Variants in SORBS2 observed in about 807,000 individuals in gnomAD.
SORBS2 encodes the protein sorbin and SH3 domain-containing protein 2.
SORBS2 carries 46 observed loss-of-function variants against 97.7 expected under a neutral mutation model. The ratio of observed to expected loss-of-function variants is 0.47; its 90% CI spans 0.37 to 0.60. The LOEUF is 0.60. SORBS2 is among the 20% of genes least tolerant of loss of function. The pLI, the probability that SORBS2 is intolerant of heterozygous loss-of-function variation, is 0.00. For missense variants in SORBS2, 1,316 were observed against 1,282.3 expected (o/e 1.03, Z -0.40); for synonymous variants, 476 against 473.4 (o/e 1.01, Z -0.07).
chr4:185,646,916 T>C, intron 3 of SORBS2, 134 bp from the exon 13 acceptor site: 1 of 613,174 alleles, frequency 1.6e-6, no homozygotes, highest in Non-Finnish European at 2.9e-6. Flanking sequence ...AAAGTTAACC[T>C]GTGAAAAATA....
chr4:185,621,506 T>C (rs2096719349), intron 7 of SORBS2, among the ~76,000 whole-genome samples: 1 of 152,228 alleles, frequency 6.6e-6, no homozygotes, highest in African/African-American at 2.4e-5. Context: ...GTAGCTAATT[T>C]ATTAAAAAAT....
At chr4:185,630,687 G>T in intron 4 of SORBS2, 89 bp from the exon 17 acceptor site, 1 of 704,052 alleles carries the variant, frequency 1.4e-6, no homozygotes, top group Non-Finnish European at 2.5e-6. Context: ...ATCCTAAAAA[G>T]AATATTATAA....
At chr4:185,699,617 C>G (rs186580206) in intron 2 of SORBS2, among the ~76,000 whole-genome samples, 1 of 152,074 alleles carries the variant, frequency 6.6e-6, no homozygotes, top group East Asian at 1.9e-4. Flanking sequence ...CATCTTAAGG[C>G]AGTTTGATTC....
chr4:185,624,407 G>C (rs1287832773), exon 7 of SORBS2: 8 of 1,614,156 alleles, frequency 5.0e-6, no homozygotes, highest in East Asian at 2.2e-5. Flanking sequence ...CTGTCTGTAA[G>C]TGCTACAGTA....
At chr4:185,955,986 C>T (rs1309957659) in intron 1 of SORBS2, among the ~76,000 whole-genome samples, 1 of 152,256 alleles carries the variant, frequency 6.6e-6, no homozygotes, top group Admixed American at 6.5e-5. Flanking sequence ...CTAATAAAAG[C>T]TCTGTGCACA....
chr4:185,614,706 A>T, intron 11 of SORBS2, 125 bp downstream of exon 23: 1 of 1,209,612 alleles, frequency 8.3e-7, no homozygotes, highest in Non-Finnish European at 1.1e-6. Context: ...TGTAGAAAAT[A>T]GGGTAAACAT....
At chr4:185,841,132 C>T (rs1415353541) in intron 1 of SORBS2, among the ~76,000 whole-genome samples, 2 of 152,158 alleles carry the variant, frequency 1.3e-5, no homozygotes, top group Non-Finnish European at 2.9e-5. Context: ...AAAGGCCAGG[C>T]CTTTCTCCCT....
At chr4:185,855,231 G>T (rs547755186) in intron 1 of SORBS2, among the ~76,000 whole-genome samples, 1 of 152,096 alleles carries the variant, frequency 6.6e-6, no homozygotes, top group African/African-American at 2.4e-5. Context: ...CCCTCTGAAG[G>T]CGTCAGGTTT....
chr4:185,923,631 G>A (rs1282560925), intron 1 of SORBS2, among the ~76,000 whole-genome samples: 1 of 151,734 alleles, frequency 6.6e-6, no homozygotes, highest in East Asian at 1.9e-4. Context: ...TACCAAATTT[G>A]TGAAACTCCA....
chr4:185,612,924 C>A (rs1207019887), intron 11 of SORBS2, among the ~76,000 whole-genome samples: 2 of 152,176 alleles, frequency 1.3e-5, no homozygotes, highest in East Asian at 3.8e-4. Context: ...ACAATGGAAA[C>A]CCAGCATCCA....
chr4:185,694,706 C>CTTTTTTTTTTTTTTTTTTTTTTTTT (rs1200094039), intron 2 of SORBS2, among the ~76,000 whole-genome samples: 8 of 124,242 alleles, frequency 6.4e-5, no homozygotes, highest in Admixed American at 9.0e-5. Context: ...CCTTTTCTTT[C>CTTTTTTTTTTTTTTTTTTTTTTTTT]TTTTCTTTTC....
Position 185,684,771 on chromosome 4 carries a change from G to C in SORBS2, c.-197-5949C>G. The C allele has an allele frequency of 6.4e-7, 1 of 1,551,566 alleles. No individual in the cohort carries two copies. The highest frequency in any genetic ancestry group is 8.7e-7 in the Non-Finnish European group (1 of 1,146,732). On this transcript the variant is annotated intron_variant, in intron 2 of 20. Coordinates refer to the SORBS2 transcript ENST00000284776. The surrounding 1 kb of genome is among the most constrained non-coding windows in gnomAD (Gnocchi z 4.2). ...TATTATACCTGCAGCCAATAGGTTT[G>C]GAGAACTTTGCACTCTCTTCACAGA...
At chr4:185,934,929 C>T (rs889817290) in intron 1 of SORBS2, among the ~76,000 whole-genome samples, 6 of 152,172 alleles carry the variant, frequency 3.9e-5, no homozygotes, top group African/African-American at 1.4e-4. Flanking sequence ...GATGCTTGAT[C>T]ATGGCTCTTC....
intron 1 of SORBS2, among the ~76,000 whole-genome samples, chr4:185,804,654 T>C (rs566874583): frequency 3.3e-5 from 5 of 152,204 alleles, no homozygotes; most frequent in Non-Finnish European, 7.3e-5. Context: ...TAAAAGTTAA[T>C]ATGCATAAAA....
chr4:185,640,182 A>G (rs190292226), intron 4 of SORBS2, among the ~76,000 whole-genome samples: 75 of 152,336 alleles, frequency 4.9e-4, no homozygotes, highest in African/African-American at 1.7e-3. Context: ...TATCCAAAAG[A>G]TGTAGTGATC....
rs2096412522 is a variant in SORBS2 at position 185,606,124 on chromosome 4, A to G, written c.2796+5656T>C. On this transcript the variant is annotated intron_variant, in intron 12 of 14. Coordinates refer to ENST00000418609, the Ensembl canonical transcript of SORBS2. This position sits in a 1 kb window ranked among gnomAD's most constrained non-coding sequence, Gnocchi z 4.3. ...TGCAAAGTGCCGTTATGTCAAAGGTATGGTGTACAGTTTCTCATCCTGGAA... is the reference window on the plus strand; with the variant it reads ...TGCAAAGTGCCGTTATGTCAAAGGTGTGGTGTACAGTTTCTCATCCTGGAA... 9 of 985,404 alleles carry G rather than the reference A, an allele frequency of 9.1e-6. No individual in the cohort carries two copies. The highest frequency in any genetic ancestry group is 1.7e-5 in the African/African-American group (1 of 57,358). The allele number at this position is 985,404 out of a possible 1,614,324, so 61.0% of individuals were successfully genotyped here.
At chr4:185,822,613 A>G (rs148862393) in intron 1 of SORBS2, among the ~76,000 whole-genome samples, 18 of 152,378 alleles carry the variant, frequency 1.2e-4, no homozygotes, top group Admixed American at 1.0e-3. Flanking sequence ...CTTGACTTCT[A>G]TGAACAGGAA....
chr4:185,925,470 ATTT>A (rs535766447), intron 1 of SORBS2, among the ~76,000 whole-genome samples: 60 of 152,242 alleles, frequency 3.9e-4, no homozygotes, highest in African/African-American at 1.3e-3. Flanking sequence ...ACAGAAATAT[ATTT>A]TTAAAACGCA....
At chr4:185,926,089 G>C (rs1048422839) in intron 1 of SORBS2, among the ~76,000 whole-genome samples, 1 of 152,004 alleles carries the variant, frequency 6.6e-6, no homozygotes, top group Non-Finnish European at 1.5e-5. Context: ...CTGAAACAGA[G>C]CTGGAGAGCA....
Sources: allele counts gnomAD v4.1 joint callset (sites outside exome capture counted in the v4.1 genomes callset), GRCh38; gene constraint gnomAD v4.1.1; non-coding constraint Gnocchi (gnomAD v3.1); transcripts MANE v1.5; gene names NCBI Gene and HGNC (gene_info 2026-07-23, HGNC 2026-07-21).